Variants in MSI1 observed in about 807,000 individuals in gnomAD.
The protein encoded by MSI1 is musashi RNA binding protein 1.
A neutral mutation model predicts 54.4 loss-of-function variants in MSI1; 15 were observed. That is an observed-to-expected ratio of 0.28 (90% CI 0.18 to 0.42). The LOEUF is 0.42. Ranked by LOEUF, MSI1 falls within the 20% of genes least tolerant of loss-of-function variation. The pLI, the probability that MSI1 is intolerant of heterozygous loss-of-function variation, is 1.00. For synonymous variants in MSI1, 200 were observed against 196.5 expected (o/e 1.02, Z -0.15); for missense variants, 304 against 506.0 (o/e 0.60, Z 3.83).
chr12:120,352,343 C>T (rs4767889), intron 10 of MSI1, among the ~76,000 whole-genome samples: 1 of 151,984 alleles, frequency 6.6e-6, no homozygotes, highest in African/African-American at 2.4e-5. Context: ...TTGACTATTA[C>T]CAAAAACATC....
At chr12:120,367,486 C>A (rs1005697545) in intron 4 of MSI1, among the ~76,000 whole-genome samples, 1 of 152,134 alleles carries the variant, frequency 6.6e-6, no homozygotes, top group Admixed American at 6.5e-5. Flanking sequence ...GTGGGCAAAG[C>A]AGGTCCCTGT....
In MSI1 at chr12:120,347,473, C is replaced by T. The variant is rs1248758746; in HGVS notation, c.832G>A (p.Ala278Thr). ...GTCCCTCGAACCACAGCCGCTGCCG[C>T]CGCTGCCGCCGCCATTGGTCCGTAG... is the stretch of plus-strand genomic sequence containing the variant. ...TAYGPMAAAA[A>T]AAAVVRGTGS... is the part of the protein sequence containing the mutation. The change falls in exon 12 of 15, where the codon GCG (alanine) becomes ACG (threonine). Residue 278 changes from alanine to threonine, a missense_variant. Ala to Thr is a moderately conservative substitution (Grantham distance 58). This residue lies in a region of MSI1 where 147 missense variants were observed against 231.5 expected (regional missense o/e 0.64). Transcript: ENST00000257552. 2 of 1,614,170 alleles carry T rather than the reference C, an allele frequency of 1.2e-6. No individual in the cohort carries two copies. The highest frequency in any genetic ancestry group is 3.3e-5 in the Admixed American group (2 of 60,022).
At chr12:120,356,529 A>C (rs1875131845) in intron 9 of MSI1, among the ~76,000 whole-genome samples, 1 of 152,220 alleles carries the variant, frequency 6.6e-6, no homozygotes, top group South Asian at 2.1e-4. Context: ...GATTGTAAAG[A>C]AAGTCATTGT....
At chr12:120,355,382 G>A (rs1875015378) in intron 9 of MSI1, among the ~76,000 whole-genome samples, 1 of 134,290 alleles carries the variant, frequency 7.4e-6, no homozygotes, top group Admixed American at 8.3e-5. Flanking sequence ...TCCGGCCTGC[G>A]AAAGAGTGAG....
chr12:120,342,203 T>C lies in MSI1; in HGVS notation c.*924A>G, dbSNP rs770235537. On this transcript the variant is annotated 3_prime_UTR_variant, in exon 15 of 15. Transcript: ENST00000257552. ...TGGAGAGTTAATTCCTGTCCAGCAG[T>C]GTCGCTGGGCAAGCCCTGCTCTTCC... 3 of 152,710 alleles carry C rather than the reference T, an allele frequency of 2.0e-5. No individual in the cohort carries two copies. The highest frequency in any genetic ancestry group is 7.2e-5 in the African/African-American group (3 of 41,426). The allele number at this position is 152,710 out of a possible 1,614,324, so 9.5% of individuals were successfully genotyped here.
intron 12 of MSI1, among the ~76,000 whole-genome samples, chr12:120,346,582 C>G (rs574568396): frequency 1.3e-5 from 2 of 152,194 alleles, no homozygotes; most frequent in East Asian, 1.9e-4. Flanking sequence ...AATGCATGTT[C>G]TAAACCCTGA....
rs768220425 is a variant in MSI1, at chr12:120,353,392, G to A, written c.653-13C>T. 1.1e-5 allele frequency: 17 copies of A among 1,613,478 alleles called. No individual in the cohort carries two copies. Among genetic ancestry groups the A allele is most frequent in the Non-Finnish European group, 1.4e-5 (16 of 1,179,590 alleles). The stretch of plus-strand genomic sequence containing the variant: ...AAACCTGGGTAACCTGATGGGGCAA[G>A]GGGGCAGTGTCAGATGGCTCATCCA... On this transcript the variant is annotated splice_polypyrimidine_tract_variant and intron_variant, in intron 9 of 14. Coordinates refer to ENST00000257552, the MANE Select transcript of MSI1 (RefSeq NM_002442.4).
At chr12:120,366,731 C>T (rs1174108092) in intron 4 of MSI1, among the ~76,000 whole-genome samples, 1 of 152,146 alleles carries the variant, frequency 6.6e-6, no homozygotes, top group African/African-American at 2.4e-5. Flanking sequence ...GGACGCCAAA[C>T]ACAGACAAAG....
rs1874231970 is a variant in MSI1 at position 120,347,477 on chromosome 12, T to TGCC, written c.825_827dup (p.Ala281dup). On this transcript the variant is annotated inframe_insertion, in exon 12 of 15. Transcript: ENST00000257552. ...CTCGAACCACAGCCGCTGCCGCCGC[T>TGCC]GCCGCCGCCATTGGTCCGTAGGCAG... 2 of 1,613,974 alleles carry TGCC rather than the reference T, an allele frequency of 1.2e-6. No homozygotes were observed. Among genetic ancestry groups the TGCC allele is most frequent in the Non-Finnish European group, 1.7e-6 (2 of 1,180,030 alleles).
chr12:120,356,119 T>C (rs958281642), intron 9 of MSI1, among the ~76,000 whole-genome samples: 2 of 152,122 alleles, frequency 1.3e-5, no homozygotes, highest in African/African-American at 2.4e-5. Flanking sequence ...TCCAGGTGGG[T>C]TTAGGGGCCT....
intron 11 of MSI1, among the ~76,000 whole-genome samples, chr12:120,348,981 C>T (rs1278664011): frequency 6.6e-6 from 1 of 152,080 alleles, no homozygotes; most frequent in Non-Finnish European, 1.5e-5. Context: ...TCAAGCTATC[C>T]TCCTGTGTTG....
intron 4 of MSI1, among the ~76,000 whole-genome samples, chr12:120,366,801 A>C (rs1228928840): frequency 6.6e-6 from 1 of 151,414 alleles, no homozygotes; most frequent in Non-Finnish European, 1.5e-5. Context: ...TTCCTCCCTC[A>C]TTCTCTTCCC....
intron 9 of MSI1, among the ~76,000 whole-genome samples, chr12:120,355,627 C>A (rs1352471683): frequency 3.3e-5 from 5 of 152,148 alleles, no homozygotes; most frequent in Non-Finnish European, 7.4e-5. Context: ...CATACACACA[C>A]ATATATACAC....
intron 6 of MSI1, among the ~76,000 whole-genome samples, chr12:120,361,971 C>T (rs951184374): frequency 1.3e-5 from 2 of 151,808 alleles, no homozygotes; most frequent in Non-Finnish European, 1.5e-5. Context: ...CTCTAATGCT[C>T]GGCGCTCAGA....
intron 12 of MSI1, among the ~76,000 whole-genome samples, chr12:120,347,138 C>T (rs764796328): frequency 2.6e-5 from 4 of 152,100 alleles, no homozygotes; most frequent in South Asian, 2.1e-4. Flanking sequence ...TTAGTAGAGA[C>T]GGGGTCTCAC....
intron 10 of MSI1, among the ~76,000 whole-genome samples, chr12:120,351,610 T>C (rs961515740): frequency 1.3e-5 from 2 of 151,324 alleles, no homozygotes; most frequent in Non-Finnish European, 1.5e-5. Flanking sequence ...GGGAGCAGAG[T>C]TGCCACCTAT....
chr12:120,364,743 C>T lies in MSI1; in HGVS notation c.280G>A (p.Val94Met). ...ELDSKTIDPK[V>M]AFPRRAQPKM... Reference sequence around the variant, plus strand: ...GGCTGTGCTCGCCGAGGGAAGGCCACCTTAGGGTCAATCTACAAGAAAAGG... The same window carrying T: ...GGCTGTGCTCGCCGAGGGAAGGCCATCTTAGGGTCAATCTACAAGAAAAGG... Residue 94 changes from valine (V) to methionine (M), a missense_variant, in exon 5 of 15, where the codon GTG (valine) becomes ATG (methionine). Around this residue, in one of 4 missense-constraint regions of MSI1, gnomAD observed 105 missense variants for 230.1 expected, o/e 0.46. Transcript: ENST00000257552. The T allele has an allele frequency of 1.2e-6, 2 of 1,600,072 alleles. No individual in the cohort carries two copies. The highest frequency in any genetic ancestry group is 1.7e-6 in the Non-Finnish European group (2 of 1,173,522).
At chr12:120,349,963 G>T (rs546460825) in intron 11 of MSI1, among the ~76,000 whole-genome samples, 89 of 152,310 alleles carry the variant, frequency 5.8e-4, no homozygotes, top group African/African-American at 2.0e-3. Context: ...TGCGAGTTCT[G>T]TGAGATCAGG....
At chr12:120,349,955 C>T (rs533113804) in intron 11 of MSI1, among the ~76,000 whole-genome samples, 23 of 152,278 alleles carry the variant, frequency 1.5e-4, no homozygotes, top group South Asian at 1.2e-3. Flanking sequence ...CTCTAAACTG[C>T]GAGTTCTGTG....
Sources: allele counts gnomAD v4.1 joint callset (sites outside exome capture counted in the v4.1 genomes callset), GRCh38; gene constraint gnomAD v4.1.1; regional missense constraint gnomAD v4.1.1; transcripts MANE v1.5; gene names NCBI Gene and HGNC (gene_info 2026-07-23, HGNC 2026-07-21).